The following KCNIP4 variants were observed in gnomAD, a reference collection of about 807,000 sequenced individuals.
The protein encoded by KCNIP4 is Kv channel-interacting protein 4.
In KCNIP4, 12 loss-of-function variants were observed where a neutral mutation model predicts 34.0. That is an observed-to-expected ratio of 0.35 (90% confidence interval 0.23 to 0.57). The LOEUF (loss-of-function observed/expected upper bound fraction) is 0.57. KCNIP4 is among the 20% of genes least tolerant of loss of function. The pLI is 0.83. For missense variants in KCNIP4, 238 were observed against 311.7 expected (o/e 0.76, Z 1.78); for synonymous variants, 124 against 102.2 (o/e 1.21, Z -1.29).
At chr4:21,490,930 C>G (rs899834160) in intron 1 of KCNIP4, among the ~76,000 whole-genome samples, 2 of 151,966 alleles carry the variant, frequency 1.3e-5, no homozygotes, top group Non-Finnish European at 2.9e-5. Context: ...AAGTGGAGAC[C>G]TCAGGTTCTA....
intron 1 of KCNIP4, among the ~76,000 whole-genome samples, chr4:21,249,690 G>C (rs2109073926): frequency 6.6e-6 from 1 of 152,030 alleles, no homozygotes; most frequent in South Asian, 2.1e-4. Context: ...ATATTAATAT[G>C]GTAAGATTAT....
chr4:20,993,114 C>T (rs982452195), intron 1 of KCNIP4, among the ~76,000 whole-genome samples: 1 of 151,106 alleles, frequency 6.6e-6, no homozygotes, highest in Non-Finnish European at 1.5e-5. Context: ...TCATGGTAGG[C>T]CTTCACTCTC....
chr4:20,823,489 A>G (rs529859089), intron 3 of KCNIP4, among the ~76,000 whole-genome samples: 1 of 151,984 alleles, frequency 6.6e-6, no homozygotes, highest in Non-Finnish European at 1.5e-5. Flanking sequence ...ATGAAGTGGG[A>G]CCTTTGGGAG....
intron 1 of KCNIP4, among the ~76,000 whole-genome samples, chr4:21,445,620 A>C (rs1053638665): frequency 1.3e-5 from 2 of 152,246 alleles, no homozygotes; most frequent in Non-Finnish European, 2.9e-5. Context: ...TACAAAAATT[A>C]ATTCAAGATG....
intron 1 of KCNIP4, among the ~76,000 whole-genome samples, chr4:21,084,275 G>A (rs909510201): frequency 2.0e-5 from 3 of 149,918 alleles, no homozygotes; most frequent in African/African-American, 7.6e-5. Context: ...ATGCAATGAT[G>A]GACGTGGACT....
chr4:21,686,392 A>G (rs2109033598), intron 1 of KCNIP4, among the ~76,000 whole-genome samples: 1 of 152,286 alleles, frequency 6.6e-6, no homozygotes, highest in Admixed American at 6.5e-5. Flanking sequence ...CAGTAATTTT[A>G]CCGTATTTGA....
intron 1 of KCNIP4, among the ~76,000 whole-genome samples, chr4:21,250,739 A>G (rs1009067362): frequency 6.6e-6 from 1 of 152,100 alleles, no homozygotes; most frequent in African/African-American, 2.4e-5. Context: ...AAAAAAACAT[A>G]GTCAACAACT....
At chr4:21,836,495 T>C (rs1723327382) in intron 1 of KCNIP4, among the ~76,000 whole-genome samples, 1 of 152,180 alleles carries the variant, frequency 6.6e-6, no homozygotes, top group South Asian at 2.1e-4. Flanking sequence ...CTCCCTTCGA[T>C]TTATTCTACT....
intron 1 of KCNIP4, among the ~76,000 whole-genome samples, chr4:21,154,975 C>A (rs543362975): frequency 6.6e-6 from 1 of 152,214 alleles, no homozygotes; most frequent in Non-Finnish European, 1.5e-5. Context: ...CACACTTGCT[C>A]TCTTTCATAT....
At chr4:21,239,096 A>C (rs1577942689) in intron 1 of KCNIP4, among the ~76,000 whole-genome samples, 1 of 152,070 alleles carries the variant, frequency 6.6e-6, no homozygotes, top group Non-Finnish European at 1.5e-5. Flanking sequence ...CTGATCTTTG[A>C]CAAACCTGAC....
At chr4:21,309,814 C>T (rs1712927404) in intron 1 of KCNIP4, among the ~76,000 whole-genome samples, 1 of 152,110 alleles carries the variant, frequency 6.6e-6, no homozygotes, top group South Asian at 2.1e-4. Flanking sequence ...AAAGCAGCAT[C>T]TGGTAAAAGT....
intron 1 of KCNIP4, among the ~76,000 whole-genome samples, chr4:21,290,199 A>G (rs1249678630): frequency 2.0e-5 from 3 of 152,296 alleles, no homozygotes; most frequent in Admixed American, 1.3e-4. Flanking sequence ...TAGCACCAAG[A>G]TGTTGACCCT....
chr4:21,883,095 A>C (rs994168921), intron 1 of KCNIP4, among the ~76,000 whole-genome samples: 1 of 152,094 alleles, frequency 6.6e-6, no homozygotes, highest in African/African-American at 2.4e-5. Context: ...ATGTCAAAGA[A>C]AGGCAAATAA....
chr4:21,617,288 T>C (rs1213670346), intron 1 of KCNIP4, among the ~76,000 whole-genome samples: 1 of 152,208 alleles, frequency 6.6e-6, no homozygotes, highest in Non-Finnish European at 1.5e-5. Flanking sequence ...AAACATACTG[T>C]CATCCTGTAG....
Position 21,015,930 on chromosome 4 carries a change from AT to A in KCNIP4, c.62-133222del, listed in dbSNP as rs948754710. The stretch of plus-strand genomic sequence containing the variant: ...ATGTTTAATATATAAATATATATAA[AT>A]TTTTTTTTATATATTAAAAAAGAGA... On this transcript the variant is annotated intron_variant, in intron 1 of 8. Transcript: ENST00000382152. Among the ~76,000 whole-genome samples the A allele has an allele frequency of 1.0e-3, 145 of 143,426 alleles. 2 individuals carry two copies. The highest frequency in any genetic ancestry group is 2.2e-3 in the Admixed American group (30 of 13,856). The allele number at this position is 143,426 out of a possible 152,430, so 94.1% of individuals were successfully genotyped here. A position where few individuals can be genotyped will look rare whatever the true frequency, so the allele number is the denominator to read the frequency against.
At chr4:21,803,553 G>A (rs1721123206) in intron 1 of KCNIP4, among the ~76,000 whole-genome samples, 1 of 151,962 alleles carries the variant, frequency 6.6e-6, no homozygotes, top group Admixed American at 6.6e-5. Context: ...TCTAACACTG[G>A]ACCTCACCTG....
chr4:20,921,602 T>C (rs1483064849), intron 1 of KCNIP4, among the ~76,000 whole-genome samples: 5 of 152,236 alleles, frequency 3.3e-5, no homozygotes, highest in Admixed American at 3.3e-4. Context: ...TGAACATTTA[T>C]GAAATATCTG....
intron 1 of KCNIP4, among the ~76,000 whole-genome samples, chr4:21,786,904 A>G (rs1176380750): frequency 2.0e-5 from 3 of 151,980 alleles, no homozygotes; most frequent in Non-Finnish European, 4.4e-5. Context: ...AGTACCTCAT[A>G]TGATCGAGAA....
At chr4:21,188,438 A>G (rs1441205811) in intron 1 of KCNIP4, among the ~76,000 whole-genome samples, 1 of 152,116 alleles carries the variant, frequency 6.6e-6, no homozygotes, top group Non-Finnish European at 1.5e-5. Flanking sequence ...CTTCTCCTCA[A>G]CTGGCATGAA....
Sources: gnomAD v4.1 joint callset for allele counts (sites outside exome capture counted in the v4.1 genomes callset) on GRCh38, gnomAD v4.1.1 for gene constraint, MANE v1.5 for transcripts, NCBI Gene and HGNC (gene_info 2026-07-23, HGNC 2026-07-21) for gene names.